Variants in TRPM6 observed in about 807,000 individuals in gnomAD.
TRPM6 encodes the protein transient receptor potential cation channel subfamily M member 6.
Under a neutral mutation model 247.6 loss-of-function variants are expected in TRPM6, and 111 were observed. The observed-to-expected ratio is 0.45, with a 90% confidence interval of 0.38 to 0.52. TRPM6 has a LOEUF of 0.52. Ranked by LOEUF, TRPM6 falls within the 20% of genes least tolerant of loss-of-function variation. The pLI is 0.00. For synonymous variants in TRPM6, 892 were observed against 853.8 expected, an observed-to-expected ratio of 1.04 and a Z score of -0.78; for missense variants, 2,126 against 2,421.5, an observed-to-expected ratio of 0.88 and a Z score of 2.56.
At chr9:74,739,279 G>A in intron 35 of TRPM6, 88 bp downstream of exon 35, 1 of 1,239,860 alleles carries the variant, frequency 8.1e-7, no homozygotes, top group Non-Finnish European at 1.2e-6. Context: ...TTTCCCCATG[G>A]ATAAGATTTC....
intron 3 of TRPM6, among the ~76,000 whole-genome samples, chr9:74,852,299 C>G (rs190659853): frequency 6.6e-6 from 1 of 151,864 alleles, no homozygotes; most frequent in African/African-American, 2.4e-5. Context: ...TCAAGCTATC[C>G]CCCAGCCTCA....
At chr9:74,732,148 A>G (rs1230751411) in intron 37 of TRPM6, among the ~76,000 whole-genome samples, 2 of 152,232 alleles carry the variant, frequency 1.3e-5, no homozygotes, top group African/African-American at 2.4e-5. Context: ...TCATCTCTCT[A>G]TAGAATTTAA....
At chr9:74,821,911 G>C in intron 7 of TRPM6, 74 bp from the exon 8 acceptor site, 2 of 1,533,738 alleles carry the variant, frequency 1.3e-6, no homozygotes, top group Admixed American at 1.8e-5. Context: ...TTGACTTCCA[G>C]ACACAAGTCT....
chr9:74,799,997 C>T (rs1164392477), intron 17 of TRPM6: 3 of 502,820 alleles, frequency 6.0e-6, no homozygotes, highest in Non-Finnish European at 3.7e-6. Context: ...CCTCCCTCAC[C>T]ACTCCATGTG....
intron 9 of TRPM6, among the ~76,000 whole-genome samples, chr9:74,817,521 AG>A (rs1828978403): frequency 6.6e-6 from 1 of 152,132 alleles, no homozygotes; most frequent in Non-Finnish European, 1.5e-5. Flanking sequence ...TGAATCCTCA[AG>A]GGTTTGTCAT....
chr9:74,749,113 G>A (rs990662806), intron 30 of TRPM6, among the ~76,000 whole-genome samples: 1 of 152,094 alleles, frequency 6.6e-6, no homozygotes, highest in African/African-American at 2.4e-5. Flanking sequence ...AAACCATATA[G>A]CCTAGGTGTG....
intron 21 of TRPM6, among the ~76,000 whole-genome samples, chr9:74,784,940 T>C (rs890042185): frequency 2.6e-5 from 4 of 152,084 alleles, no homozygotes; most frequent in Non-Finnish European, 4.4e-5. Flanking sequence ...AGTGGGACCC[T>C]GTCTATATAA....
intron 4 of TRPM6, among the ~76,000 whole-genome samples, chr9:74,841,921 A>T (rs1184483904): frequency 1.3e-5 from 2 of 152,140 alleles, no homozygotes; most frequent in East Asian, 3.9e-4. Flanking sequence ...AACAGGCAGA[A>T]ACCTGTTAGT....
At chr9:74,799,481 G>A (rs1828225760) in intron 17 of TRPM6, among the ~76,000 whole-genome samples, 1 of 151,530 alleles carries the variant, frequency 6.6e-6, no homozygotes, top group Non-Finnish European at 1.5e-5. Flanking sequence ...TTAGTCATAT[G>A]AACAAATGTA....
rs1376050408 is a variant in TRPM6, at chr9:74,816,788, A to G, written c.1208-19T>C. On this transcript the variant is annotated intron_variant, in intron 10 of 38. Coordinates refer to ENST00000360774, the MANE Select transcript of TRPM6 (RefSeq NM_017662.5). ...TTTGTGCCTAGGGTAAAAGAAAGGAACAATCATATATTCTTTTCAAGATAT... is the reference window on the plus strand; with the variant it reads ...TTTGTGCCTAGGGTAAAAGAAAGGAGCAATCATATATTCTTTTCAAGATAT... 1 of 1,612,692 alleles carries G rather than the reference A, an allele frequency of 6.2e-7. No homozygotes were observed. The highest frequency in any genetic ancestry group is 8.5e-7 in the Non-Finnish European group (1 of 1,178,674).
intron 1 of TRPM6, among the ~76,000 whole-genome samples, chr9:74,867,964 C>T (rs1246471320): frequency 6.6e-6 from 1 of 151,724 alleles, no homozygotes; most frequent in East Asian, 1.9e-4. Context: ...ACCAGCCTGG[C>T]CAACATGGCG....
At chr9:74,730,757 T>C (rs1289405474) in intron 37 of TRPM6, among the ~76,000 whole-genome samples, 1 of 152,166 alleles carries the variant, frequency 6.6e-6, no homozygotes, top group Non-Finnish European at 1.5e-5. Context: ...GCATTCGAAA[T>C]GTGAGCCCCA....
intron 1 of TRPM6, 37 bp from the exon 2 acceptor site, chr9:74,858,785 T>G (rs202129172): frequency 6.6e-7 from 1 of 1,504,392 alleles, no homozygotes; most frequent in East Asian, 2.3e-5. Flanking sequence ...ACTCTAATTA[T>G]GTGACAAAAC....
At chr9:74,801,871 A>C (rs373213346) in intron 16 of TRPM6, 27 bp downstream of exon 16, 1 of 1,612,682 alleles carries the variant, frequency 6.2e-7, no homozygotes, top group East Asian at 2.2e-5. Context: ...GTTGATGTTT[A>C]GTATGAAGTG....
At chr9:74,884,870 G>T (rs569128781) in intron 1 of TRPM6, among the ~76,000 whole-genome samples, 20 of 152,272 alleles carry the variant, frequency 1.3e-4, no homozygotes, top group Admixed American at 1.2e-3. Flanking sequence ...AAAGACTAAG[G>T]TGTGGGATAT....
At chr9:74,800,742 T>C in intron 16 of TRPM6, among the ~76,000 whole-genome samples, 1 of 151,502 alleles carries the variant, frequency 6.6e-6, no homozygotes, top group East Asian at 1.9e-4. Context: ...GGAACAGAAC[T>C]AGGAGGTTTA....
chr9:74,864,999 G>A (rs758796937), intron 1 of TRPM6, among the ~76,000 whole-genome samples: 1 of 151,664 alleles, frequency 6.6e-6, no homozygotes, highest in African/African-American at 2.4e-5. Flanking sequence ...CTTGAACCCA[G>A]GAGGTGGAAG....
At position 74,863,914 on chromosome 9, in the gene TRPM6, A is replaced by T. The variant is rs12345167; in HGVS notation, c.34-5166T>A. Among the ~76,000 whole-genome samples the T allele has an allele frequency of 7.2e-3, 1,094 of 151,014 alleles. 16 individuals are homozygous for T. Among genetic ancestry groups the T allele is most frequent in the African/African-American group, 0.025 (1,030 of 41,080 alleles). On this transcript the variant is annotated intron_variant, in intron 1 of 38. Coordinates refer to ENST00000360774, the MANE Select transcript of TRPM6 (RefSeq NM_017662.5). ...TTTTTTTTTTTAAAAAAACATCCAC[A>T]AGTTTGCATGATTGGAGGTAAAGGG...
At chr9:74,865,591 C>T (rs1353702023) in intron 1 of TRPM6, among the ~76,000 whole-genome samples, 2 of 152,204 alleles carry the variant, frequency 1.3e-5, no homozygotes, top group East Asian at 3.8e-4. Flanking sequence ...ACTCAATTCT[C>T]TCCAATTTCC....
Sources: gnomAD v4.1 joint callset for allele counts (sites outside exome capture counted in the v4.1 genomes callset) on GRCh38, gnomAD v4.1.1 for gene constraint, MANE v1.5 for transcripts, NCBI Gene and HGNC (gene_info 2026-07-23, HGNC 2026-07-21) for gene names.